Variants in CADPS observed in about 807,000 individuals in gnomAD.
CADPS encodes calcium-dependent secretion activator 1.
CADPS carries 57 observed loss-of-function variants against 167.3 expected under a neutral mutation model. That is an observed-to-expected ratio of 0.34 (90% confidence interval 0.28 to 0.42). CADPS has a LOEUF of 0.42. Ranked by LOEUF, CADPS falls within the 20% of genes least tolerant of loss-of-function variation. The pLI is 1.00. For synonymous variants in CADPS, 676 were observed against 635.3 expected (o/e 1.06, Z -0.96); for missense variants, 1,414 against 1,738.1 (o/e 0.81, Z 3.32).
intron 23 of CADPS, among the ~76,000 whole-genome samples, chr3:62,477,191 A>T (rs1308615472): frequency 6.6e-6 from 1 of 152,132 alleles, no homozygotes; most frequent in African/African-American, 2.4e-5. Flanking sequence ...CTCTTCCAAG[A>T]TATGAAATAA....
chr3:62,737,102 C>T (rs2152250271), intron 3 of CADPS, among the ~76,000 whole-genome samples: 1 of 152,060 alleles, frequency 6.6e-6, no homozygotes, highest in South Asian at 2.1e-4. Context: ...CACGCCACTG[C>T]ACTCCAGCCT....
rs71123286 is a variant in CADPS, at chr3:62,695,666, C to CT, written c.889-33273dup. Reference sequence around the variant, plus strand: ...TTTGCCACCATAACTGTTTTGGTTGCTTTTTTGTTTTGTTTTGTTTTTGAG... The same window carrying CT: ...TTTGCCACCATAACTGTTTTGGTTGCTTTTTTTGTTTTGTTTTGTTTTTGAG... On this transcript the variant is annotated intron_variant, in intron 3 of 29. Transcript: ENST00000383710. Among the ~76,000 whole-genome samples the CT allele has an allele frequency of 1.4e-3, 206 of 152,048 alleles. 2 individuals are homozygous for CT. The highest frequency in any genetic ancestry group is 4.5e-3 in the African/African-American group (185 of 41,462).
intron 20 of CADPS, 104 bp downstream of exon 20, chr3:62,492,186 A>C (rs769464148): frequency 3.2e-5 from 30 of 933,744 alleles, no homozygotes; most frequent in Non-Finnish European, 5.0e-5. Context: ...TAAAACCATG[A>C]AGAGCTATGT....
chr3:62,656,183 C>A (rs185395974), intron 4 of CADPS, among the ~76,000 whole-genome samples: 1 of 152,284 alleles, frequency 6.6e-6, no homozygotes, highest in East Asian at 1.9e-4. Context: ...TCTTTACACA[C>A]ATACACCCCT....
chr3:62,428,296 CTTTTTTTTT>C (rs34002756), intron 28 of CADPS, among the ~76,000 whole-genome samples: 39 of 64,638 alleles, frequency 6.0e-4, no homozygotes, highest in East Asian at 3.9e-3. Context: ...GGAAGCAAGA[CTTTTTTTTT>C]TTTTTTTTTT....
Position 62,478,322 on chromosome 3 carries a change from T to C in CADPS, c.3268A>G (p.Lys1090Glu), listed in dbSNP as rs1157689950. 2.5e-6 allele frequency: 4 copies of C among 1,613,740 alleles called. No individual in the cohort carries two copies. The highest frequency in any genetic ancestry group is 3.4e-6 in the Non-Finnish European group (4 of 1,179,826). Residue 1090 changes from lysine (K) to glutamate (E), a missense_variant, in exon 23 of 30, where the codon AAG (lysine) becomes GAG (glutamate). Coordinates refer to ENST00000383710, the MANE Select transcript of CADPS (RefSeq NM_003716.4). This position sits in a 1 kb window ranked among gnomAD's most constrained non-coding sequence, Gnocchi z 5.7. ...DLHWPEEEFG[K>E]HLEQRLKLMA... The stretch of plus-strand genomic sequence containing the variant: ...AACTTCAGCCGTTGTTCCAGGTGCT[T>C]TCCAAACTCTTCTTCAGGCCAGTGC...
chr3:62,403,407 G>A, intron 28 of CADPS: 1 of 344,470 alleles, frequency 2.9e-6, no homozygotes, highest in Non-Finnish European at 5.3e-6. Context: ...AAGACAGTTA[G>A]GACTTCGAAT....
At chr3:62,631,906 C>A (rs1490597823) in intron 6 of CADPS, among the ~76,000 whole-genome samples, 1 of 152,160 alleles carries the variant, frequency 6.6e-6, no homozygotes, top group Non-Finnish European at 1.5e-5. Context: ...CATTCACTTT[C>A]TCTCGGTATA....
chr3:62,724,833 C>T (rs2076447084), intron 3 of CADPS, among the ~76,000 whole-genome samples: 1 of 152,252 alleles, frequency 6.6e-6, no homozygotes, highest in Non-Finnish European at 1.5e-5. Context: ...CTCTCCACTG[C>T]TGAAAACCCT....
At chr3:62,838,588 C>A (rs2153029629) in intron 1 of CADPS, among the ~76,000 whole-genome samples, 1 of 152,254 alleles carries the variant, frequency 6.6e-6, no homozygotes, top group East Asian at 1.9e-4. Flanking sequence ...AACACAGATT[C>A]CAAATTCAAA....
rs142107953 is a variant in CADPS at position 62,726,298 on chromosome 3, T to C, written c.888+27143A>G. Among the ~76,000 whole-genome samples, 229 of 152,014 alleles carry C rather than the reference T, an allele frequency of 1.5e-3. 6 individuals are homozygous for C. Among genetic ancestry groups the C allele is most frequent in the African/African-American group, 5.2e-3 (213 of 41,286 alleles). ...CACTTTAGGTCCATGGAAGAGCTTT[T>C]GAATTCATCTGGTTGGAAGAATTTC... On this transcript the variant is annotated intron_variant, in intron 3 of 29. Transcript: ENST00000383710.
rs80124472 is a variant in CADPS at position 62,602,687 on chromosome 3, T to C, written c.1326-9939A>G. Among the ~76,000 whole-genome samples, 250 of 152,330 alleles carry C rather than the reference T, an allele frequency of 1.6e-3. 3 individuals are homozygous for C. The East Asian group carries it at 0.033, about 20-fold the overall frequency. On this transcript the variant is annotated intron_variant, in intron 6 of 29. Coordinates refer to ENST00000383710, the MANE Select transcript of CADPS (RefSeq NM_003716.4). The surrounding 1 kb of genome is among the most constrained non-coding windows in gnomAD (Gnocchi z 4.4). ...CTACATAAGTGAGGCGTTTGCTTTG[T>C]AGAAATTGGGCTGTCTGGGAGGCAG...
intron 1 of CADPS, among the ~76,000 whole-genome samples, chr3:62,791,685 A>T (rs545984009): frequency 1.3e-5 from 2 of 152,214 alleles, no homozygotes; most frequent in Non-Finnish European, 2.9e-5. Flanking sequence ...CAGGCACCGG[A>T]TAAGTCACGG....
rs1350817937 is a variant in CADPS at position 62,726,288 on chromosome 3, G to A, written c.888+27153C>T. 2.6e-5 allele frequency among the ~76,000 whole-genome samples: 4 copies of A among 151,694 alleles called. 1 individual carries two copies. Among genetic ancestry groups the A allele is most frequent in the African/African-American group, 9.7e-5 (4 of 41,120 alleles). On this transcript the variant is annotated intron_variant, in intron 3 of 29. Coordinates refer to ENST00000383710, the MANE Select transcript of CADPS (RefSeq NM_003716.4). The stretch of plus-strand genomic sequence containing the variant: ...CAAAGATGTCCACTTTAGGTCCATG[G>A]AAGAGCTTTTGAATTCATCTGGTTG...
chr3:62,518,708 T>C (rs936359842), intron 13 of CADPS, among the ~76,000 whole-genome samples: 3 of 152,166 alleles, frequency 2.0e-5, no homozygotes, highest in Admixed American at 6.5e-5. Context: ...CTGGTCCACA[T>C]TGCTAAATTG....
At chr3:62,449,695 A>T (rs79977901) in intron 26 of CADPS, among the ~76,000 whole-genome samples, 1 of 152,190 alleles carries the variant, frequency 6.6e-6, no homozygotes, top group Non-Finnish European at 1.5e-5. Context: ...CATTATAATA[A>T]GATATTGTTT....
At position 62,412,057 on chromosome 3, in the gene CADPS, A is replaced by C. The variant is rs2049058037; in HGVS notation, c.3778-8872T>G. ...CACCAAAGCTATAATCAGACACCGA[A>C]GCTCTAAACAGACACCAAAATCAGA... is the stretch of plus-strand genomic sequence containing the variant. On this transcript the variant is annotated intron_variant, in intron 28 of 29. Transcript: ENST00000383710. The surrounding 1 kb of genome is among the most constrained non-coding windows in gnomAD (Gnocchi z 4.1). Among the ~76,000 whole-genome samples, 1 of 152,192 alleles carries C rather than the reference A, an allele frequency of 6.6e-6. No individual in the cohort carries two copies.
At chr3:62,629,437 G>A (rs2149662994) in intron 6 of CADPS, among the ~76,000 whole-genome samples, 1 of 152,316 alleles carries the variant, frequency 6.6e-6, no homozygotes, top group Non-Finnish European at 1.5e-5. Flanking sequence ...GTTGGAGCAT[G>A]TATGAGGACT....
intron 3 of CADPS, among the ~76,000 whole-genome samples, chr3:62,726,095 G>T (rs1034662883): frequency 6.6e-6 from 1 of 151,800 alleles, no homozygotes; most frequent in African/African-American, 2.4e-5. Context: ...AGAAGGAAAA[G>T]ATGAGGGGAT....
Sources: gnomAD v4.1 joint callset for allele counts (sites outside exome capture counted in the v4.1 genomes callset) on GRCh38, gnomAD v4.1.1 for gene constraint, Gnocchi (gnomAD v3.1) non-coding constraint, MANE v1.5 for transcripts, NCBI Gene and HGNC (gene_info 2026-07-23, HGNC 2026-07-21) for gene names.